CREB3L2: variants seen among roughly 807,000 people sequenced by gnomAD.
The protein encoded by CREB3L2 is cAMP responsive element binding protein 3 like 2, also known as cyclic AMP-responsive element-binding protein 3-like protein 2.
Under a neutral mutation model 57.2 loss-of-function variants are expected in CREB3L2, and 23 were observed. The observed-to-expected ratio is 0.40, with a 90% CI of 0.29 to 0.57. CREB3L2 has a LOEUF of 0.57. Among genes scored for constraint, CREB3L2 ranks in the 20% least tolerant of loss-of-function variants. CREB3L2 has a pLI of 0.42. For missense variants in CREB3L2, 628 were observed against 634.7 expected, an observed-to-expected ratio of 0.99 and a Z score of 0.11; for synonymous variants, 268 against 265.1, an observed-to-expected ratio of 1.01 and a Z score of -0.11.
intron 1 of CREB3L2, among the ~76,000 whole-genome samples, chr7:137,954,400 G>C (rs537997292): frequency 3.3e-5 from 5 of 152,160 alleles, no homozygotes; most frequent in African/African-American, 9.7e-5. Flanking sequence ...ACCCAGGCAG[G>C]GGGCAGGGGG....
Position 137,979,594 on chromosome 7 carries a change from T to C in CREB3L2, c.102+22010A>G, listed in dbSNP as rs113081045. On this transcript the variant is annotated intron_variant, in intron 1 of 11. Coordinates refer to ENST00000330387, the MANE Select transcript of CREB3L2 (RefSeq NM_194071.4). ...CAAAAAAATTAGCCGGGCGTGGTGG[T>C]GGGCGCCTGTAGTCCCAGCTACTCG... 4.8e-3 allele frequency among the ~76,000 whole-genome samples: 732 copies of C among 151,924 alleles called. 7 individuals are homozygous for C. Among genetic ancestry groups the C allele is most frequent in the African/African-American group, 0.017 (690 of 41,444 alleles).
intron 3 of CREB3L2, among the ~76,000 whole-genome samples, chr7:137,914,593 T>G (rs1035217501): frequency 6.6e-6 from 1 of 152,084 alleles, no homozygotes; most frequent in African/African-American, 2.4e-5. Flanking sequence ...ATCATGCCAC[T>G]GCACTCCAGC....
chr7:137,920,293 A>C (rs1291784092), intron 2 of CREB3L2, among the ~76,000 whole-genome samples: 1 of 152,190 alleles, frequency 6.6e-6, no homozygotes, highest in Non-Finnish European at 1.5e-5. Flanking sequence ...GATGGAACTA[A>C]TGTTGCTGTA....
At chr7:137,986,895 CGT>C (rs1801801667) in intron 1 of CREB3L2, among the ~76,000 whole-genome samples, 1 of 152,206 alleles carries the variant, frequency 6.6e-6, no homozygotes, top group African/African-American at 2.4e-5. Flanking sequence ...CACAAGAAAA[CGT>C]GTCTGTGAAG....
rs1400356733 is a variant in CREB3L2 at position 137,882,636 on chromosome 7, C to A, written c.1271-8G>T. Reference sequence around the variant, plus strand: ...GCAGGTTTCTGGATCTCACTGAGGACAGAGCAGAATAATAAGGTGTTAGCA... The same window carrying A: ...GCAGGTTTCTGGATCTCACTGAGGAAAGAGCAGAATAATAAGGTGTTAGCA... On this transcript the variant is annotated splice_region_variant and splice_polypyrimidine_tract_variant and intron_variant, in intron 10 of 11. Coordinates refer to ENST00000330387, the MANE Select transcript of CREB3L2 (RefSeq NM_194071.4). 1.9e-6 allele frequency: 3 copies of A among 1,581,882 alleles called. No homozygotes were observed. Among genetic ancestry groups the A allele is most frequent in the Non-Finnish European group, 1.7e-6 (2 of 1,159,536 alleles).
intron 8 of CREB3L2, among the ~76,000 whole-genome samples, chr7:137,899,937 T>A (rs1799718037): frequency 6.6e-6 from 1 of 152,228 alleles, no homozygotes; most frequent in South Asian, 2.1e-4. Context: ...TTTGCACAAT[T>A]GTTACTGGGC....
At chr7:137,913,200 G>T in intron 3 of CREB3L2, 122 bp from the exon 4 acceptor site, 2 of 971,676 alleles carry the variant, frequency 2.1e-6, no homozygotes, top group Non-Finnish European at 3.0e-6. Flanking sequence ...CTGGAGAATA[G>T]CTGAGTGTAG....
At chr7:137,999,918 A>T (rs1253580757) in intron 1 of CREB3L2, 1 of 152,222 alleles carries the variant, frequency 6.6e-6, no homozygotes, top group Non-Finnish European at 1.5e-5. Flanking sequence ...TTAATATCAA[A>T]GCAAATGTAA....
chr7:137,917,205 AACAG>A (rs1006789718), intron 2 of CREB3L2, among the ~76,000 whole-genome samples: 3 of 152,206 alleles, frequency 2.0e-5, no homozygotes, highest in Non-Finnish European at 4.4e-5. Context: ...GACAAGACGG[AACAG>A]ACAGAGTGCC....
At chr7:137,921,502 C>A (rs560299096) in intron 2 of CREB3L2, among the ~76,000 whole-genome samples, 10 of 152,152 alleles carry the variant, frequency 6.6e-5, no homozygotes, top group African/African-American at 2.4e-4. Flanking sequence ...ATCAAAGAGA[C>A]TGAAAAAGAC....
At chr7:137,973,973 T>C (rs372813189) in intron 1 of CREB3L2, among the ~76,000 whole-genome samples, 2 of 151,710 alleles carry the variant, frequency 1.3e-5, no homozygotes, top group African/African-American at 4.8e-5. Flanking sequence ...GACCGAGAAA[T>C]GATGGCACAG....
chr7:137,882,913 C>T (rs887338570), intron 10 of CREB3L2, among the ~76,000 whole-genome samples: 1 of 152,148 alleles, frequency 6.6e-6, no homozygotes, highest in Middle Eastern at 3.4e-3. Context: ...AAAACTCCCC[C>T]CTTACCACCC....
chr7:137,981,247 G>C (rs1281568183), intron 1 of CREB3L2, among the ~76,000 whole-genome samples: 1 of 152,194 alleles, frequency 6.6e-6, no homozygotes, highest in African/African-American at 2.4e-5. Flanking sequence ...GGGAGCCTGG[G>C]TGGAGAATAG....
At chr7:137,956,888 C>T (rs1801225324) in intron 1 of CREB3L2, among the ~76,000 whole-genome samples, 1 of 152,176 alleles carries the variant, frequency 6.6e-6, no homozygotes, top group African/African-American at 2.4e-5. Context: ...GGAAAGTAGG[C>T]AAATTCAATT....
intron 2 of CREB3L2, among the ~76,000 whole-genome samples, chr7:137,922,407 T>C (rs1359606664): frequency 1.2e-4 from 3 of 24,872 alleles, no homozygotes; most frequent in Admixed American, 6.1e-4. Context: ...TATATATATA[T>C]ATATATATGT....
chr7:137,985,402 T>A (rs1054370798), intron 1 of CREB3L2, among the ~76,000 whole-genome samples: 1 of 152,154 alleles, frequency 6.6e-6, no homozygotes, highest in Admixed American at 6.5e-5. Flanking sequence ...TTTGCTGCAG[T>A]GTATGGACAG....
At chr7:137,918,800 A>C (rs273954) in intron 2 of CREB3L2, among the ~76,000 whole-genome samples, 91,720 of 151,982 alleles carry the variant, frequency 0.6, 27,921 homozygotes, top group East Asian at 0.9. Context: ...AGAATCAGTT[A>C]TTCCAATCTA....
chr7:137,960,805 A>ATTTATTT (rs1338965683), intron 1 of CREB3L2, among the ~76,000 whole-genome samples: 1 of 81,964 alleles, frequency 1.2e-5, no homozygotes. Flanking sequence ...AAACTAAATT[A>ATTTATTT]TTTCTTTTTT....
At chr7:137,984,234 T>C (rs2117318786) in intron 1 of CREB3L2, among the ~76,000 whole-genome samples, 1 of 152,336 alleles carries the variant, frequency 6.6e-6, no homozygotes, top group South Asian at 2.1e-4. Flanking sequence ...CCGTCTTCCT[T>C]ACTATCAGAC....
Sources: allele counts gnomAD v4.1 joint callset (sites outside exome capture counted in the v4.1 genomes callset), GRCh38; gene constraint gnomAD v4.1.1; transcripts MANE v1.5; gene names NCBI Gene and HGNC (gene_info 2026-07-23, HGNC 2026-07-21).